Variants in OSBPL9 observed in about 807,000 individuals in gnomAD.
The protein encoded by OSBPL9 is oxysterol binding protein like 9.
Under a neutral mutation model 106.6 loss-of-function variants are expected in OSBPL9, and 40 were observed. The observed-to-expected ratio is 0.38, with a 90% CI of 0.29 to 0.49. The LOEUF is 0.49. Ranked by LOEUF, OSBPL9 falls within the 20% of genes least tolerant of loss-of-function variation. OSBPL9 has a pLI of 0.97. For missense variants in OSBPL9, 609 were observed against 887.2 expected, an observed-to-expected ratio of 0.69 and a Z score of 3.98; for synonymous variants, 269 against 295.4, an observed-to-expected ratio of 0.91 and a Z score of 0.92.
intron 8 of OSBPL9, among the ~76,000 whole-genome samples, chr1:51,755,335 CT>C (rs1245684785): frequency 6.6e-6 from 1 of 152,182 alleles, no homozygotes; most frequent in African/African-American, 2.4e-5. Flanking sequence ...TTTTAGCATA[CT>C]TCTATCACCG....
chr1:51,734,023 A>G (rs1665083149), intron 4 of OSBPL9, among the ~76,000 whole-genome samples: 1 of 152,176 alleles, frequency 6.6e-6, no homozygotes, highest in Non-Finnish European at 1.5e-5. Context: ...TGCTATTAAT[A>G]TTATCTCTAT....
the OSBPL9 span, chr1:51,519,085 C>T: frequency 1.5e-6 from 1 of 686,114 alleles, no homozygotes; most frequent in Non-Finnish European, 2.2e-6. Context: ...CCGCCCGGCC[C>T]ACAAGCCAAG....
chr1:51,788,091 ACT>A lies in OSBPL9; in HGVS notation c.*305_*306del, dbSNP rs1325705535. 5.3e-6 allele frequency: 2 copies of A among 379,920 alleles called. No homozygotes were observed. The highest frequency in any genetic ancestry group is 5.3e-5 in the East Asian group (1 of 18,786). The allele number at this position is 379,920 out of a possible 1,614,324, so 23.5% of individuals were successfully genotyped here. ...AAGCATTTATAAATCCAAGTCTGAA[ACT>A]CTGCGCTCTAGTACTGCTGTTAAGA... On this transcript the variant is annotated 3_prime_UTR_variant, in exon 24 of 24. Transcript: ENST00000428468.
chr1:51,545,552 G>A, the OSBPL9 span, among the ~76,000 whole-genome samples: 1 of 152,196 alleles, frequency 6.6e-6, no homozygotes, highest in African/African-American at 2.4e-5. Flanking sequence ...GCTGAGGTGA[G>A]AGGATAACTT....
chr1:51,623,770 A>G (rs944971147), intron 1 of OSBPL9, among the ~76,000 whole-genome samples: 2 of 152,176 alleles, frequency 1.3e-5, no homozygotes, highest in Non-Finnish European at 2.9e-5. Flanking sequence ...TTAAATGTAT[A>G]TATTTCTCTT....
upstream of OSBPL9, among the ~76,000 whole-genome samples, chr1:51,576,158 A>G (rs1645182553): frequency 1.3e-5 from 2 of 152,222 alleles, no homozygotes; most frequent in Non-Finnish European, 2.9e-5. Context: ...TTTCAGGCCC[A>G]GCTGAAAAAA....
At chr1:51,742,457 G>A (rs1667129825) in intron 4 of OSBPL9, among the ~76,000 whole-genome samples, 2 of 152,044 alleles carry the variant, frequency 1.3e-5, no homozygotes, top group Admixed American at 1.3e-4. Flanking sequence ...CCCACACCTT[G>A]TAATCTCAGC....
At chr1:51,641,212 T>C (rs1171470775) in intron 1 of OSBPL9, among the ~76,000 whole-genome samples, 5 of 152,220 alleles carry the variant, frequency 3.3e-5, no homozygotes, top group Non-Finnish European at 7.3e-5. Context: ...TTGAGATTAT[T>C]ATGAGCTATT....
intron 1 of OSBPL9, among the ~76,000 whole-genome samples, chr1:51,651,049 A>G (rs1441659377): frequency 6.6e-6 from 1 of 152,280 alleles, no homozygotes; most frequent in Non-Finnish European, 1.5e-5. Context: ...TAAACCAGCA[A>G]TTATAACACA....
chr1:51,729,668 TG>T lies in OSBPL9; in HGVS notation c.318+15591del. 2.4e-6 allele frequency: 1 copy of T among 417,288 alleles called. No individual in the cohort carries two copies. The highest frequency in any genetic ancestry group is 3.7e-6 in the Non-Finnish European group (1 of 268,148). 25.8% of individuals were successfully genotyped at this position (417,288 alleles called of 1,614,324 possible). Reference sequence around the variant, plus strand: ...CTCCCTCGGCCTCTCCACCCAAAACTGGCCCAACCGCCAATCGTCTGCCTCT... The same window carrying T: ...CTCCCTCGGCCTCTCCACCCAAAACTGCCCAACCGCCAATCGTCTGCCTCT... On this transcript the variant is annotated intron_variant, in intron 4 of 23. Coordinates refer to ENST00000428468, the MANE Select transcript of OSBPL9 (RefSeq NM_024586.6). This position sits in a 1 kb window ranked among gnomAD's most constrained non-coding sequence, Gnocchi z 5.1.
At chr1:51,784,816 C>G in intron 20 of OSBPL9, 1 of 533,998 alleles carries the variant, frequency 1.9e-6, no homozygotes, top group Non-Finnish European at 3.2e-6. Context: ...ACCTGACTTG[C>G]AATGTTGAAC....
At chr1:51,725,323 T>G (rs1352352239) in intron 4 of OSBPL9, among the ~76,000 whole-genome samples, 2 of 152,222 alleles carry the variant, frequency 1.3e-5, no homozygotes, top group Non-Finnish European at 2.9e-5. Flanking sequence ...ATTGCCCATC[T>G]GTTCTTGCAT....
chr1:51,662,611 A>G (rs1399219156), intron 2 of OSBPL9, among the ~76,000 whole-genome samples: 5 of 152,180 alleles, frequency 3.3e-5, no homozygotes, highest in African/African-American at 1.2e-4. Flanking sequence ...TAGAAGTAAT[A>G]AGACTATTAT....
At chr1:51,621,956 T>C (rs771293893) in intron 1 of OSBPL9, among the ~76,000 whole-genome samples, 1 of 152,218 alleles carries the variant, frequency 6.6e-6, no homozygotes, top group Non-Finnish European at 1.5e-5. Context: ...TCAAGAGGCA[T>C]ATGATGTTAG....
At chr1:51,708,950 A>G (rs144738166) in intron 3 of OSBPL9, 2 of 152,282 alleles carry the variant, frequency 1.3e-5, no homozygotes, top group South Asian at 2.1e-4. Context: ...TACAATCTAT[A>G]TGCAGTTTAA....
the OSBPL9 span, among the ~76,000 whole-genome samples, chr1:51,552,120 C>A: frequency 3.3e-4 from 50 of 152,082 alleles, no homozygotes; most frequent in Non-Finnish European, 5.4e-4. Context: ...TTCCTCACAG[C>A]AAATTATGAG....
Position 51,648,686 on chromosome 1 carries a change from G to A in OSBPL9, c.112-3305G>A, listed in dbSNP as rs142925423. ...ATAAGGTCTGGGAGAATGATTTGCCGGACAGGCATCTCCAACTGTGCAACT... is the reference window on the plus strand; with the variant it reads ...ATAAGGTCTGGGAGAATGATTTGCCAGACAGGCATCTCCAACTGTGCAACT... On this transcript the variant is annotated intron_variant, in intron 1 of 23. Transcript: ENST00000428468. Among the ~76,000 whole-genome samples, 363 of 152,254 alleles carry A rather than the reference G, an allele frequency of 2.4e-3. 1 individual carries two copies. The highest frequency in any genetic ancestry group is 8.3e-3 in the African/African-American group (344 of 41,526).
At chr1:51,636,152 GTTTTTT>G (rs35303378) in intron 1 of OSBPL9, among the ~76,000 whole-genome samples, 3 of 64,116 alleles carry the variant, frequency 4.7e-5, no homozygotes, top group Non-Finnish European at 9.6e-5. Flanking sequence ...TCTCTCTCTT[GTTTTTT>G]TTTTTTTTTT....
the OSBPL9 span, among the ~76,000 whole-genome samples, chr1:51,527,727 A>G: frequency 6.6e-6 from 1 of 152,008 alleles, no homozygotes; most frequent in Non-Finnish European, 1.5e-5. Flanking sequence ...TTGGCCTTGT[A>G]AGCTAATAAA....
Sources: allele counts gnomAD v4.1 joint callset (sites outside exome capture counted in the v4.1 genomes callset), GRCh38; gene constraint gnomAD v4.1.1; non-coding constraint Gnocchi (gnomAD v3.1); transcripts MANE v1.5; gene names NCBI Gene and HGNC (gene_info 2026-07-23, HGNC 2026-07-21).